GNA12: variants seen among roughly 807,000 people sequenced by gnomAD.
GNA12 encodes guanine nucleotide-binding protein subunit alpha-12.
A neutral mutation model predicts 26.0 loss-of-function variants in GNA12; 9 were observed. The observed-to-expected ratio is 0.35, with a 90% CI of 0.21 to 0.60. GNA12 has a LOEUF of 0.60. Ranked by LOEUF, GNA12 falls within the 20% of genes least tolerant of loss-of-function variation. The pLI is 0.78. For synonymous variants in GNA12, 264 were observed against 219.6 expected (o/e 1.20, Z -1.79); for missense variants, 405 against 525.8 (o/e 0.77, Z 2.25).
At chr7:2,767,933 C>T (rs1018673911) in intron 2 of GNA12, among the ~76,000 whole-genome samples, 1 of 152,226 alleles carries the variant, frequency 6.6e-6, no homozygotes, top group Non-Finnish European at 1.5e-5. Flanking sequence ...CGGCTCACTG[C>T]AACCTCCGCC....
chr7:2,767,030 T>C (rs1173590326), intron 2 of GNA12, among the ~76,000 whole-genome samples: 2 of 152,390 alleles, frequency 1.3e-5, no homozygotes, highest in African/African-American at 4.8e-5. Flanking sequence ...GCCACTTGCT[T>C]ATCCTCACTG....
intron 1 of GNA12, among the ~76,000 whole-genome samples, chr7:2,806,103 C>T (rs1562438240): frequency 6.6e-6 from 1 of 152,188 alleles, no homozygotes; most frequent in African/African-American, 2.4e-5. Flanking sequence ...ACTAGAAAAT[C>T]TGAAGTACAC....
intron 1 of GNA12, among the ~76,000 whole-genome samples, chr7:2,796,506 A>C (rs1015953343): frequency 2.0e-5 from 3 of 152,112 alleles, no homozygotes; most frequent in African/African-American, 7.2e-5. Flanking sequence ...CTCTATTCCA[A>C]AAGATACAAC....
intron 2 of GNA12, among the ~76,000 whole-genome samples, chr7:2,790,366 C>G (rs560728388): frequency 6.6e-6 from 1 of 152,334 alleles, no homozygotes; most frequent in Non-Finnish European, 1.5e-5. Context: ...AACCTCCTAC[C>G]TCAGCCACCG....
At chr7:2,773,536 A>AG (rs1792000700) in intron 2 of GNA12, among the ~76,000 whole-genome samples, 2 of 152,172 alleles carry the variant, frequency 1.3e-5, no homozygotes, top group African/African-American at 4.8e-5. Context: ...CACTCCAGCC[A>AG]GGGCGACAGA....
chr7:2,769,613 G>C (rs553623377), intron 2 of GNA12, among the ~76,000 whole-genome samples: 248 of 152,142 alleles, frequency 1.6e-3, no homozygotes, highest in African/African-American at 5.5e-3. Flanking sequence ...GGCGCCTATA[G>C]TCCCAGCTAC....
intron 2 of GNA12, chr7:2,762,831 A>C: frequency 6.6e-7 from 1 of 1,506,840 alleles, no homozygotes; most frequent in Non-Finnish European, 8.9e-7. Context: ...CCACACACCC[A>C]GTCAGCGCGG....
chr7:2,802,542 CAATA>C (rs1792836508), intron 1 of GNA12, among the ~76,000 whole-genome samples: 1 of 152,092 alleles, frequency 6.6e-6, no homozygotes, highest in Non-Finnish European at 1.5e-5. Context: ...AATCTTCCCA[CAATA>C]AATACCAAAG....
chr7:2,836,976 A>G (rs1052661042), intron 1 of GNA12, among the ~76,000 whole-genome samples: 1 of 152,086 alleles, frequency 6.6e-6, no homozygotes, highest in Non-Finnish European at 1.5e-5. Flanking sequence ...GAAACCACAT[A>G]TACCACCCAC....
chr7:2,779,641 C>T (rs1416800546), intron 2 of GNA12, among the ~76,000 whole-genome samples: 1 of 152,016 alleles, frequency 6.6e-6, no homozygotes, highest in East Asian at 1.9e-4. Context: ...CTCTGTCACC[C>T]AGGTTGGAGT....
At chr7:2,820,288 T>C (rs1317469953) in intron 1 of GNA12, among the ~76,000 whole-genome samples, 4 of 152,072 alleles carry the variant, frequency 2.6e-5, no homozygotes, top group African/African-American at 9.7e-5. Flanking sequence ...TGAAAATGTT[T>C]TAAAAATTGA....
In GNA12 at chr7:2,788,634, A is replaced by G. The variant is rs140754648; in HGVS notation, c.525+6294T>C. 1.4e-3 allele frequency among the ~76,000 whole-genome samples: 218 copies of G among 152,296 alleles called. 2 individuals carry two copies. Among genetic ancestry groups the G allele is most frequent in the African/African-American group, 4.8e-3 (200 of 41,546 alleles). On this transcript the variant is annotated intron_variant, in intron 2 of 3. Coordinates refer to ENST00000275364, the MANE Select transcript of GNA12 (RefSeq NM_007353.3). The stretch of plus-strand genomic sequence containing the variant: ...CTGCTCACAGGCCATGTTTGGAGGA[A>G]AGTTAGATAGTGAGGATATTAACTA...
At position 2,729,527 on chromosome 7, in the gene GNA12, G is replaced by A. The variant is rs1347568087; in HGVS notation, c.*1654C>T. 1 of 152,404 alleles carries A rather than the reference G, an allele frequency of 6.6e-6. No homozygotes were observed. The highest frequency in any genetic ancestry group is 1.5e-5 in the Non-Finnish European group (1 of 68,052). The allele number at this position is 152,404 out of a possible 1,614,324, so 9.4% of individuals were successfully genotyped here. On this transcript the variant is annotated 3_prime_UTR_variant, in exon 4 of 4. Coordinates refer to ENST00000275364, the MANE Select transcript of GNA12 (RefSeq NM_007353.3). The stretch of plus-strand genomic sequence containing the variant: ...AGAGTTCCATGCTGTCTCCCGATGA[G>A]AACGCTGTGCTAACAGGGTGACCCA...
intron 2 of GNA12, among the ~76,000 whole-genome samples, chr7:2,769,547 G>A (rs1358816115): frequency 6.6e-6 from 1 of 151,888 alleles, no homozygotes; most frequent in East Asian, 1.9e-4. Flanking sequence ...TGGCCAACAC[G>A]GTGAAACCCC....
intron 1 of GNA12, among the ~76,000 whole-genome samples, chr7:2,824,074 T>C (rs1302803925): frequency 6.6e-6 from 1 of 152,194 alleles, no homozygotes; most frequent in Admixed American, 6.5e-5. Flanking sequence ...GTCTCAAAAA[T>C]GGTATTTTCA....
intron 2 of GNA12, among the ~76,000 whole-genome samples, chr7:2,751,903 A>T (rs947191435): frequency 6.6e-5 from 10 of 152,246 alleles, no homozygotes; most frequent in African/African-American, 2.4e-4. Context: ...CCAGGCCTAG[A>T]TGACCTCACT....
intron 2 of GNA12, among the ~76,000 whole-genome samples, chr7:2,751,619 T>C (rs1791044375): frequency 6.6e-6 from 1 of 152,074 alleles, no homozygotes; most frequent in African/African-American, 2.4e-5. Context: ...ACAGAACTGA[T>C]AACCTCCTAA....
chr7:2,811,924 T>TA (rs1224063129), intron 1 of GNA12, among the ~76,000 whole-genome samples: 1 of 152,216 alleles, frequency 6.6e-6, no homozygotes, highest in African/African-American at 2.4e-5. Context: ...GTCCATCTTA[T>TA]AAAACGAAAG....
At chr7:2,780,093 T>TATATATATATATATATGC (rs57390413) in intron 2 of GNA12, among the ~76,000 whole-genome samples, 1 of 130,136 alleles carries the variant, frequency 7.7e-6, no homozygotes, top group Non-Finnish European at 1.6e-5. Context: ...TATATATATA[T>TATATATATATATATATGC]GCCTGTTTTC....
Sources: allele counts gnomAD v4.1 joint callset (sites outside exome capture counted in the v4.1 genomes callset), GRCh38; gene constraint gnomAD v4.1.1; transcripts MANE v1.5; gene names NCBI Gene and HGNC (gene_info 2026-07-23, HGNC 2026-07-21).